WDPCP: variants seen among roughly 807,000 people sequenced by gnomAD.
WDPCP encodes WD repeat containing planar cell polarity effector, also known as WD repeat-containing and planar cell polarity effector protein fritz homolog.
A neutral mutation model predicts 93.1 loss-of-function variants in WDPCP; 71 were observed. The ratio of observed to expected loss-of-function variants is 0.76; its 90% confidence interval spans 0.63 to 0.93. The LOEUF is 0.93. WDPCP is among the 40% of genes least tolerant of loss of function. The pLI, the probability that WDPCP is intolerant of heterozygous loss-of-function variation, is 0.00. For synonymous variants in WDPCP, 315 were observed against 315.0 expected (o/e 1.00, Z 0.00); for missense variants, 844 against 887.4 (o/e 0.95, Z 0.62).
At chr2:63,252,721 G>C (rs1680836357) in intron 14 of WDPCP, among the ~76,000 whole-genome samples, 1 of 151,922 alleles carries the variant, frequency 6.6e-6, no homozygotes, top group Non-Finnish European at 1.5e-5. Context: ...CCTAACCAAG[G>C]AAGTGAATGA....
chr2:63,282,776 G>C (rs1227382803), intron 13 of WDPCP, among the ~76,000 whole-genome samples: 1 of 151,990 alleles, frequency 6.6e-6, no homozygotes, highest in Non-Finnish European at 1.5e-5. Flanking sequence ...GTATTAATGA[G>C]GGATTTGTCT....
intron 14 of WDPCP, among the ~76,000 whole-genome samples, chr2:63,187,805 G>A (rs1363277466): frequency 6.6e-6 from 1 of 152,156 alleles, no homozygotes; most frequent in Non-Finnish European, 1.5e-5. Flanking sequence ...CATTAGTGGA[G>A]AACTTTATAA....
chr2:63,550,808 C>T (rs1027355139), intron 1 of WDPCP, among the ~76,000 whole-genome samples: 2 of 147,966 alleles, frequency 1.4e-5, no homozygotes, highest in African/African-American at 4.9e-5. Context: ...TATATATACA[C>T]ACCCATAGAA....
intron 1 of WDPCP, among the ~76,000 whole-genome samples, chr2:63,578,365 C>T (rs1044908036): frequency 6.6e-6 from 1 of 152,218 alleles, no homozygotes; most frequent in African/African-American, 2.4e-5. Flanking sequence ...CTGAGTAGGA[C>T]TCTGTCTTTA....
At chr2:63,488,532 A>G (rs941046586) in intron 2 of WDPCP, among the ~76,000 whole-genome samples, 11 of 152,056 alleles carry the variant, frequency 7.2e-5, no homozygotes, top group Non-Finnish European at 1.6e-4. Flanking sequence ...ATAAGGATTT[A>G]TTGCGAAAAA....
chr2:63,327,745 C>T (rs989824086), intron 12 of WDPCP, among the ~76,000 whole-genome samples: 2 of 152,206 alleles, frequency 1.3e-5, no homozygotes, highest in Non-Finnish European at 2.9e-5. Flanking sequence ...CCCAAGACAG[C>T]CATCTTATTA....
chr2:63,322,731 G>A (rs962999003), intron 12 of WDPCP, among the ~76,000 whole-genome samples: 14 of 152,064 alleles, frequency 9.2e-5, no homozygotes, highest in African/African-American at 2.7e-4. Flanking sequence ...TGAAGTCACC[G>A]AGACCAAGAA....
chr2:63,810,320 C>T (rs1670845174), intron 2 of WDPCP, among the ~76,000 whole-genome samples: 1 of 152,192 alleles, frequency 6.6e-6, no homozygotes, highest in South Asian at 2.1e-4. Flanking sequence ...CTGTATTTAT[C>T]TTTGTGATAG....
At position 63,660,791 on chromosome 2, in the gene WDPCP, AAC is replaced by A. The variant is rs1366289201; in HGVS notation, n.309-9955_309-9954del. On this transcript the variant is annotated intron_variant and non_coding_transcript_variant, in intron 2 of 4. Transcript: ENST00000467687. ...GGTTAATTTTGAATAACATTTTAGT[AAC>A]ACAGTATTATTTTCAAAAAGATTTA... is the stretch of plus-strand genomic sequence containing the variant. 9.2e-5 allele frequency among the ~76,000 whole-genome samples: 14 copies of A among 152,358 alleles called. No individual in the cohort carries two copies. In the East Asian group the frequency reaches 2.7e-3, roughly 29 times the overall value.
At chr2:63,708,853 G>A (rs1162792455) in intron 2 of WDPCP, among the ~76,000 whole-genome samples, 2 of 151,506 alleles carry the variant, frequency 1.3e-5, no homozygotes, top group Non-Finnish European at 2.9e-5. Context: ...CTCATGATCC[G>A]CCCACCTCAG....
chr2:63,317,389 C>G lies in WDPCP; in HGVS notation c.1749-4078G>C, dbSNP rs1257308928. ...CACCATTGCACTCCAGCCTGGGCAA[C>G]AAAAGTGAAACTACATCTCAAAAAA... On this transcript the variant is annotated intron_variant, in intron 12 of 17. Coordinates refer to ENST00000272321, the MANE Select transcript of WDPCP (RefSeq NM_015910.7). Among the ~76,000 whole-genome samples, 3 of 94,130 alleles carry G rather than the reference C, an allele frequency of 3.2e-5. No individual in the cohort carries two copies. In the Admixed American group the frequency reaches 3.7e-4, roughly 12 times the overall value. 61.8% of individuals were successfully genotyped at this position (94,130 alleles called of 152,430 possible).
rs547324678 is a variant in WDPCP at position 63,691,703 on chromosome 2, T to C, written n.309-40865A>G. Among the ~76,000 whole-genome samples the C allele has an allele frequency of 1.7e-3, 258 of 152,214 alleles. 3 individuals carry two copies. Among genetic ancestry groups the C allele is most frequent in the African/African-American group, 5.9e-3 (246 of 41,536 alleles). On this transcript the variant is annotated intron_variant and non_coding_transcript_variant, in intron 2 of 4. Coordinates refer to the WDPCP transcript ENST00000467687. ...ATGGGTAACTGAAACCAGCTGAGAC[T>C]GTAAAAGGCTGTGAGTTCATACTGA...
At chr2:63,390,176 C>G (rs1356891849) in intron 10 of WDPCP, among the ~76,000 whole-genome samples, 1 of 152,072 alleles carries the variant, frequency 6.6e-6, no homozygotes, top group Non-Finnish European at 1.5e-5. Flanking sequence ...TGTAGAAGAA[C>G]AGAAATCACA....
chr2:63,168,610 T>C (rs1255040479), intron 15 of WDPCP: 1 of 152,186 alleles, frequency 6.6e-6, no homozygotes, highest in Non-Finnish European at 1.5e-5. Flanking sequence ...GAGGTATGTG[T>C]TTCCTTTCTT....
At chr2:63,170,160 T>C (rs1001254965) in intron 15 of WDPCP, among the ~76,000 whole-genome samples, 1 of 151,630 alleles carries the variant, frequency 6.6e-6, no homozygotes, top group African/African-American at 2.4e-5. Flanking sequence ...TCCCAAAGTG[T>C]TTGGATTACA....
chr2:63,689,378 CTGTTT>C (rs1668858457), intron 2 of WDPCP, among the ~76,000 whole-genome samples: 1 of 152,174 alleles, frequency 6.6e-6, no homozygotes, highest in South Asian at 2.1e-4. Context: ...CTCTTTGATG[CTGTTT>C]TCTCCACTGA....
intron 3 of WDPCP, among the ~76,000 whole-genome samples, chr2:63,614,734 T>C (rs1440145285): frequency 6.6e-6 from 1 of 152,152 alleles, no homozygotes; most frequent in African/African-American, 2.4e-5. Flanking sequence ...TTGAAGAACC[T>C]CATTCCATAG....
At chr2:63,620,574 G>A (rs1466462344) in intron 3 of WDPCP, among the ~76,000 whole-genome samples, 5 of 152,226 alleles carry the variant, frequency 3.3e-5, no homozygotes, top group South Asian at 4.1e-4. Context: ...GCACCTGGGG[G>A]AAGGGGTGGG....
chr2:63,775,009 G>A (rs1233938281), intron 2 of WDPCP, among the ~76,000 whole-genome samples: 2 of 152,126 alleles, frequency 1.3e-5, no homozygotes, highest in Non-Finnish European at 2.9e-5. Context: ...GAATGACTCT[G>A]TTAGGCAATA....
Sources: allele counts gnomAD v4.1 joint callset (sites outside exome capture counted in the v4.1 genomes callset), GRCh38; gene constraint gnomAD v4.1.1; transcripts MANE v1.5; gene names NCBI Gene and HGNC (gene_info 2026-07-23, HGNC 2026-07-21).